The following PLCH1 variants were observed in gnomAD, a reference collection of about 807,000 sequenced individuals.
PLCH1 encodes the protein 1-phosphatidylinositol 4,5-bisphosphate phosphodiesterase eta-1.
In PLCH1, 60 loss-of-function variants were observed where a neutral mutation model predicts 126.7. The ratio of observed to expected loss-of-function variants is 0.47; its 90% CI spans 0.38 to 0.59. The LOEUF (loss-of-function observed/expected upper bound fraction) is 0.59, where lower values mean the gene tolerates loss of function less well. Ranked by LOEUF, PLCH1 falls within the 20% of genes least tolerant of loss-of-function variation. The pLI is 0.00. For synonymous variants in PLCH1, 719 were observed against 734.9 expected (o/e 0.98, Z 0.35); for missense variants, 1,723 against 2,040.0 (o/e 0.84, Z 2.99).
intron 11 of PLCH1, among the ~76,000 whole-genome samples, chr3:155,517,022 C>T (rs146319074): frequency 1.1e-3 from 161 of 152,286 alleles, no homozygotes; most frequent in African/African-American, 3.7e-3. Context: ...TTTCCTGTGA[C>T]TTGGCCAGGT....
At chr3:155,459,790 G>A (rs1712641824) in intron 21 of PLCH1, among the ~76,000 whole-genome samples, 1 of 152,176 alleles carries the variant, frequency 6.6e-6, no homozygotes, top group Non-Finnish European at 1.5e-5. Context: ...GAGCAGCATG[G>A]CCAGAGGGGC....
rs146057173 is a variant in PLCH1 at position 155,482,156 on chromosome 3, C to T, written c.3870G>A (p.Ala1290=). ...ATCCAGGCAGGTTGCTTTCTAAGGC[C>T]GCTGTCTTGGCCTTACTAGAAAGGT... ...DDDLSSKAKT[A]ALESNLPGSP... Residue 1290 remains alanine (A), a synonymous_variant, in exon 23 of 23, where the codon GCG becomes GCA. Transcript: ENST00000460012. 161 of 1,614,036 alleles carry T rather than the reference C, an allele frequency of 1.0e-4. No homozygotes were observed. Among genetic ancestry groups the T allele is most frequent in the Admixed American group, 1.2e-4 (7 of 59,988 alleles).
chr3:155,667,209 A>G (rs1742825283), intron 2 of PLCH1, among the ~76,000 whole-genome samples: 1 of 152,206 alleles, frequency 6.6e-6, no homozygotes, highest in South Asian at 2.1e-4. Flanking sequence ...GTCTTTTGCT[A>G]TAATTTTATT....
intron 10 of PLCH1, among the ~76,000 whole-genome samples, chr3:155,528,764 G>A (rs779197053): frequency 5.3e-5 from 8 of 152,218 alleles, no homozygotes; most frequent in Non-Finnish European, 1.0e-4. Flanking sequence ...AGGTGGTGCT[G>A]AGCAGGTAAG....
At chr3:155,691,435 T>C (rs1745375113) in intron 2 of PLCH1, among the ~76,000 whole-genome samples, 2 of 152,366 alleles carry the variant, frequency 1.3e-5, no homozygotes, top group South Asian at 4.1e-4. Flanking sequence ...CTTAAGATCC[T>C]ATATGCAAAG....
At chr3:155,610,380 AAAAAAAAAAC>A (rs1242334147) in intron 2 of PLCH1, among the ~76,000 whole-genome samples, 1 of 149,798 alleles carries the variant, frequency 6.7e-6, no homozygotes, top group Non-Finnish European at 1.5e-5. Context: ...AAAAAAAAAA[AAAAAAAAAAC>A]CATCACCTAG....
At chr3:155,660,786 C>A (rs1310231083) in intron 2 of PLCH1, among the ~76,000 whole-genome samples, 2 of 152,106 alleles carry the variant, frequency 1.3e-5, no homozygotes, top group African/African-American at 2.4e-5. Context: ...AAAGAAAAAT[C>A]CCTTGTTGAA....
intron 2 of PLCH1, among the ~76,000 whole-genome samples, chr3:155,661,509 C>A (rs1426162215): frequency 6.6e-6 from 1 of 152,102 alleles, no homozygotes; most frequent in African/African-American, 2.4e-5. Context: ...CTTTCACTTG[C>A]CTTACCAAAT....
chr3:155,544,532 C>A (rs180916325), intron 10 of PLCH1, among the ~76,000 whole-genome samples: 6,773 of 152,202 alleles, frequency 0.045, 220 homozygotes, highest in Middle Eastern at 0.092. Context: ...CTGCACCAAG[C>A]GGACCTAATA....
intron 2 of PLCH1, among the ~76,000 whole-genome samples, chr3:155,699,848 A>ACACACACACACACACACACC (rs1491419516): frequency 5.8e-4 from 85 of 147,654 alleles, no homozygotes; most frequent in African/African-American, 2.0e-3. Context: ...ACACACACAC[A>ACACACACACACACACACACC]CCACTACCTC....
At chr3:155,615,333 G>A (rs577696771) in intron 2 of PLCH1, among the ~76,000 whole-genome samples, 96 of 152,282 alleles carry the variant, frequency 6.3e-4, no homozygotes, top group Non-Finnish European at 1.1e-3. Context: ...TACCCTGCTG[G>A]TTGGAATGTA....
intron 6 of PLCH1, among the ~76,000 whole-genome samples, chr3:155,580,060 C>T (rs987773578): frequency 2.0e-5 from 3 of 152,050 alleles, no homozygotes; most frequent in African/African-American, 4.8e-5. Context: ...AACATTCATC[C>T]CTGCTATCAA....
At chr3:155,488,623 T>A (rs1411138892) in intron 20 of PLCH1, 37 bp downstream of exon 20, 1 of 1,535,506 alleles carries the variant, frequency 6.5e-7, no homozygotes, top group Non-Finnish European at 8.8e-7. Flanking sequence ...TAAAAAGGAA[T>A]GGTCAGTCTA....
chr3:155,689,489 G>A (rs1242185786), intron 2 of PLCH1, among the ~76,000 whole-genome samples: 2 of 152,000 alleles, frequency 1.3e-5, no homozygotes, highest in Non-Finnish European at 2.9e-5. Flanking sequence ...TTCACATAGA[G>A]AATTCAAAAT....
intron 4 of PLCH1, among the ~76,000 whole-genome samples, chr3:155,587,240 A>C (rs956669651): frequency 5.3e-5 from 8 of 152,238 alleles, no homozygotes; most frequent in African/African-American, 1.9e-4. Context: ...AATATCATAA[A>C]TATAGGGCTT....
At chr3:155,470,491 GA>G (rs1048976766) in intron 21 of PLCH1, among the ~76,000 whole-genome samples, 1 of 152,054 alleles carries the variant, frequency 6.6e-6, no homozygotes, top group African/African-American at 2.4e-5. Flanking sequence ...AACCAAGTTG[GA>G]AAACACTCTG....
At chr3:155,608,017 T>A (rs1734571680) in intron 2 of PLCH1, among the ~76,000 whole-genome samples, 1 of 152,176 alleles carries the variant, frequency 6.6e-6, no homozygotes, top group Admixed American at 6.5e-5. Context: ...TCCTTTGAAC[T>A]TGAAAACTTT....
rs35149793 is a variant in PLCH1, at chr3:155,733,934, CATATATATATATATATATATATAT to C, written c.-41+10882_-41+10905del. 2.1e-3 allele frequency among the ~76,000 whole-genome samples: 207 copies of C among 98,172 alleles called. 1 individual carries two copies. In the East Asian group the frequency reaches 0.05, roughly 24 times the overall value. 64.4% of individuals were successfully genotyped at this position (98,172 alleles called of 152,430 possible). On this transcript the variant is annotated intron_variant, in intron 1 of 22. Coordinates refer to ENST00000460012, the MANE Select transcript of PLCH1 (RefSeq NM_014996.4). ...AACATACAAATGGCCAACAGGTATA[CATATATATATATATATATATATAT>C]ATATATATATATATATATATGCACT...
At chr3:155,570,801 T>A (rs571930183) in intron 6 of PLCH1, among the ~76,000 whole-genome samples, 1 of 152,342 alleles carries the variant, frequency 6.6e-6, no homozygotes, top group South Asian at 2.1e-4. Context: ...TTTATTTCTA[T>A]TGAAAAATTA....
Sources: allele counts gnomAD v4.1 joint callset (sites outside exome capture counted in the v4.1 genomes callset), GRCh38; gene constraint gnomAD v4.1.1; transcripts MANE v1.5; gene names NCBI Gene and HGNC (gene_info 2026-07-23, HGNC 2026-07-21).